ERCC6L2: variants seen among roughly 807,000 people sequenced by gnomAD.
The protein encoded by ERCC6L2 is ERCC excision repair 6 like 2.
ERCC6L2 carries 77 observed loss-of-function variants against 132.0 expected under a neutral mutation model. The observed-to-expected ratio is 0.58, with a 90% CI of 0.49 to 0.71. The LOEUF is 0.71. ERCC6L2 is among the 30% of genes least tolerant of loss of function. The pLI is 0.00. For synonymous variants in ERCC6L2, 583 were observed against 632.4 expected, an observed-to-expected ratio of 0.92 and a Z score of 1.17; for missense variants, 1,542 against 1,837.6, an observed-to-expected ratio of 0.84 and a Z score of 2.94.
chr9:95,927,348 A>G (rs1830143772), intron 9 of ERCC6L2, among the ~76,000 whole-genome samples: 1 of 152,102 alleles, frequency 6.6e-6, no homozygotes, highest in Non-Finnish European at 1.5e-5. Flanking sequence ...AAGAATTTAG[A>G]CTTTGTATAG....
At chr9:96,007,355 A>G (rs1179551990) in intron 18 of ERCC6L2, among the ~76,000 whole-genome samples, 1 of 152,110 alleles carries the variant, frequency 6.6e-6, no homozygotes, top group African/African-American at 2.4e-5. Flanking sequence ...TGGGCCAGAT[A>G]TGGGTGGGAC....
intron 19 of ERCC6L2, among the ~76,000 whole-genome samples, chr9:96,034,714 TGG>T (rs1314871756): frequency 6.7e-6 from 1 of 150,246 alleles, no homozygotes; most frequent in Non-Finnish European, 1.5e-5. Flanking sequence ...GGGAATTCCC[TGG>T]GTGCTGCTGC....
At chr9:95,907,340 T>C (rs1587881482) in intron 4 of ERCC6L2, 69 bp downstream of exon 4, 1 of 734,938 alleles carries the variant, frequency 1.4e-6, no homozygotes, top group South Asian at 3.8e-5. Context: ...TATTAAGAGT[T>C]TTTTTTTTTT....
At chr9:95,890,058 C>A (rs901321225) in intron 2 of ERCC6L2, among the ~76,000 whole-genome samples, 2 of 152,104 alleles carry the variant, frequency 1.3e-5, no homozygotes, top group Non-Finnish European at 2.9e-5. Flanking sequence ...CAACCATGCT[C>A]CTTCAACACA....
intron 10 of ERCC6L2, 83 bp downstream of exon 10, chr9:95,928,233 C>T: frequency 1.2e-6 from 1 of 848,000 alleles, no homozygotes; most frequent in Non-Finnish European, 1.9e-6. Context: ...TACATGACAC[C>T]TTACAGCCAC....
intron 12 of ERCC6L2, among the ~76,000 whole-genome samples, chr9:95,948,239 T>C (rs891946774): frequency 1.3e-5 from 2 of 152,230 alleles, no homozygotes; most frequent in Admixed American, 6.5e-5. Flanking sequence ...CCAACCCTCA[T>C]GGATGACTTT....
intron 3 of ERCC6L2, 69 bp downstream of exon 3, chr9:95,898,040 A>T (rs1458486552): frequency 7.5e-7 from 1 of 1,329,696 alleles, no homozygotes; most frequent in South Asian, 1.4e-5. Flanking sequence ...GAAATATTTA[A>T]ATATCACACA....
In ERCC6L2 at chr9:95,978,130, A is replaced by T. The variant is rs780690385; in HGVS notation, c.3407A>T (p.His1136Leu). The T allele has an allele frequency of 1.5e-6, 2 of 1,367,482 alleles. No individual in the cohort carries two copies. Among genetic ancestry groups the T allele is most frequent in the East Asian group, 9.1e-5 (2 of 21,988 alleles). 84.7% of individuals were successfully genotyped at this position (1,367,482 alleles called of 1,614,324 possible). Reference protein sequence around the residue: ...NVIGSSKAENHMSRWAAHDVF... With the variant: ...NVIGSSKAENLMSRWAAHDVF... ...ATTGGATCGAGCAAAGCTGAAAATCACATGAGCCGATGGGCAGCACATGAC... is the reference window on the plus strand; with the variant it reads ...ATTGGATCGAGCAAAGCTGAAAATCTCATGAGCCGATGGGCAGCACATGAC... Residue 1136 changes from histidine to leucine, a missense_variant, in exon 17 of 19, where the codon CAC (histidine) becomes CTC (leucine). Physicochemically the swap from His to Leu is moderately conservative, Grantham distance 99. Transcript: ENST00000653738.
chr9:96,012,824 T>C lies in ERCC6L2; in HGVS notation c.4274T>C (p.Ile1425Thr). 1.5e-6 allele frequency: 2 copies of C among 1,367,532 alleles called. No homozygotes were observed. Among genetic ancestry groups the C allele is most frequent in the Non-Finnish European group, 2.0e-6 (2 of 1,021,832 alleles). 84.7% of individuals were successfully genotyped at this position (1,367,532 alleles called of 1,614,324 possible). ...CTTCTCAAATTGGAAAACAAAAAGA[T>C]AGAAAATCCAGTGCTGGAAAATACT... is the stretch of plus-strand genomic sequence containing the variant. The part of the protein sequence containing the change: ...EPLLKLENKK[I>T]ENPVLENTSV... The change falls in exon 19 of 19, where the codon ATA becomes ACA. Residue 1425 changes from isoleucine to threonine, a missense_variant. This residue lies in a region of ERCC6L2 where 442 missense variants were observed against 583.4 expected (regional missense o/e 0.76). Transcript: ENST00000653738.
chr9:95,907,836 C>CACACACACACACACAA (rs1554741172), intron 4 of ERCC6L2, among the ~76,000 whole-genome samples: 24 of 81,130 alleles, frequency 3.0e-4, no homozygotes, highest in African/African-American at 7.5e-4. Context: ...TACACACACA[C>CACACACACACACACAA]ACACACACAC....
chr9:96,012,559 G>T lies in ERCC6L2; in HGVS notation c.4009G>T (p.Val1337Phe). 2.2e-6 allele frequency: 3 copies of T among 1,367,324 alleles called. No individual in the cohort carries two copies. The highest frequency in any genetic ancestry group is 2.9e-6 in the Non-Finnish European group (3 of 1,021,718). 84.7% of individuals were successfully genotyped at this position (1,367,324 alleles called of 1,614,324 possible). ...CCTAAAAACATATAAAAGAAAATCA[G>T]TTAAGTTTCAGAATCATATTTCCTA... ...CSLKTYKRKS[V>F]KFQNHISYRE... is the part of the protein sequence containing the mutation. The change falls in exon 19 of 19, where the codon GTT (valine) becomes TTT (phenylalanine). Residue 1337 changes from valine to phenylalanine, a missense_variant. Around this residue, in one of 4 missense-constraint regions of ERCC6L2, gnomAD observed 442 missense variants for 583.4 expected, o/e 0.76. Coordinates refer to ENST00000653738, the MANE Select transcript of ERCC6L2 (RefSeq NM_020207.7).
chr9:95,938,830 T>C, intron 11 of ERCC6L2, among the ~76,000 whole-genome samples: 1 of 152,270 alleles, frequency 6.6e-6, no homozygotes, highest in Non-Finnish European at 1.5e-5. Context: ...TAATTATTGA[T>C]ATTTTTTATT....
At position 95,876,095 on chromosome 9, in the gene ERCC6L2, C is replaced by A; in HGVS notation, c.46+11C>A. 1 of 1,563,760 alleles carries A rather than the reference C, an allele frequency of 6.4e-7. No homozygotes were observed. The highest frequency in any genetic ancestry group is 2.4e-5 in the East Asian group (1 of 41,622). On this transcript the variant is annotated intron_variant, in intron 1 of 18. Coordinates refer to ENST00000653738, the MANE Select transcript of ERCC6L2 (RefSeq NM_020207.7). ...AAACCTCAGGCAAAGGTACCAGCTC[C>A]GCGCTCGCCCCTTACGCAGAGGCCT...
At chr9:95,959,225 G>A (rs1422760286) in intron 13 of ERCC6L2, among the ~76,000 whole-genome samples, 17 of 148,464 alleles carry the variant, frequency 1.1e-4, no homozygotes, top group Admixed American at 8.8e-4. Context: ...AAATAACGCC[G>A]CATATCTACA....
intron 2 of ERCC6L2, among the ~76,000 whole-genome samples, chr9:95,891,165 A>G (rs1252929285): frequency 6.6e-6 from 1 of 152,194 alleles, no homozygotes; most frequent in Non-Finnish European, 1.5e-5. Flanking sequence ...GTGAGTCAAG[A>G]TCGCACCATT....
intron 6 of ERCC6L2, among the ~76,000 whole-genome samples, chr9:95,920,156 C>T (rs1374313310): frequency 2.0e-5 from 3 of 152,088 alleles, no homozygotes; most frequent in East Asian, 1.9e-4. Context: ...ACAGAAATTA[C>T]GACATGTTTC....
intron 17 of ERCC6L2, among the ~76,000 whole-genome samples, chr9:96,001,863 C>T (rs1285643079): frequency 1.3e-5 from 2 of 152,198 alleles, no homozygotes; most frequent in East Asian, 1.9e-4. Context: ...AGCCCTGCCC[C>T]GTGGGAAGGC....
intron 9 of ERCC6L2, among the ~76,000 whole-genome samples, chr9:95,924,959 A>G (rs1294242454): frequency 1.3e-5 from 2 of 152,186 alleles, no homozygotes; most frequent in African/African-American, 4.8e-5. Flanking sequence ...GACTAACAGC[A>G]TCATCTGGTC....
chr9:96,033,591 G>A (rs1036849829), intron 19 of ERCC6L2, among the ~76,000 whole-genome samples: 2 of 152,112 alleles, frequency 1.3e-5, no homozygotes, highest in South Asian at 2.1e-4. Flanking sequence ...TATAACAGAG[G>A]TTTTTTGCTG....
Sources: allele counts gnomAD v4.1 joint callset (sites outside exome capture counted in the v4.1 genomes callset), GRCh38; gene constraint gnomAD v4.1.1; regional missense constraint gnomAD v4.1.1; transcripts MANE v1.5; gene names NCBI Gene and HGNC (gene_info 2026-07-23, HGNC 2026-07-21).